The following CACNB2 variants were observed in gnomAD, a reference collection of about 807,000 sequenced individuals.
CACNB2 encodes voltage-dependent L-type calcium channel subunit beta-2.
CACNB2 carries 42 observed loss-of-function variants against 73.3 expected under a neutral mutation model. That is an observed-to-expected ratio of 0.57 (90% CI 0.45 to 0.74). The LOEUF is 0.74. CACNB2 is among the 30% of genes least tolerant of loss of function. CACNB2 has a pLI of 0.00. For missense variants in CACNB2, 940 were observed against 853.0 expected (o/e 1.10, Z -1.27); for synonymous variants, 348 against 310.3 (o/e 1.12, Z -1.28).
At chr10:18,502,197 C>T (rs185765246) in intron 5 of CACNB2, among the ~76,000 whole-genome samples, 22 of 152,104 alleles carry the variant, frequency 1.4e-4, no homozygotes, top group African/African-American at 5.3e-4. Flanking sequence ...ATCCTAGCTA[C>T]TCGGGAGGCT....
At chr10:18,258,926 A>C (rs892193262) in intron 2 of CACNB2, among the ~76,000 whole-genome samples, 1 of 151,960 alleles carries the variant, frequency 6.6e-6, no homozygotes, top group African/African-American at 2.4e-5. Context: ...TTCAAGAGCC[A>C]ATTTACAGTG....
At chr10:18,454,707 C>CT (rs1467013622) in intron 3 of CACNB2, among the ~76,000 whole-genome samples, 3 of 152,196 alleles carry the variant, frequency 2.0e-5, no homozygotes, top group African/African-American at 7.2e-5. Flanking sequence ...GCACAATTTT[C>CT]TTTCCAATGG....
chr10:18,505,415 C>T (rs1242159335), intron 5 of CACNB2, among the ~76,000 whole-genome samples: 1 of 152,114 alleles, frequency 6.6e-6, no homozygotes, highest in African/African-American at 2.4e-5. Flanking sequence ...AAAAGATATA[C>T]AGCCCTCCTG....
intron 2 of CACNB2, among the ~76,000 whole-genome samples, chr10:18,192,528 A>G (rs1469568171): frequency 1.3e-5 from 2 of 152,030 alleles, no homozygotes; most frequent in African/African-American, 4.8e-5. Flanking sequence ...AAAGTGGACA[A>G]TTCAGTGGCA....
intron 3 of CACNB2, among the ~76,000 whole-genome samples, chr10:18,416,531 C>T (rs189975867): frequency 6.6e-6 from 1 of 152,338 alleles, no homozygotes; most frequent in Admixed American, 6.5e-5. Context: ...ATTCTCCTGC[C>T]TCAGCCTCCT....
At chr10:18,206,493 C>T (rs544854142) in intron 2 of CACNB2, 1 of 152,530 alleles carries the variant, frequency 6.6e-6, no homozygotes, top group Non-Finnish European at 1.5e-5. Flanking sequence ...TGTGCAGTCA[C>T]TTCTTTCTCT....
At chr10:18,287,026 T>A (rs1217273049) in intron 2 of CACNB2, among the ~76,000 whole-genome samples, 1 of 152,154 alleles carries the variant, frequency 6.6e-6, no homozygotes, top group East Asian at 1.9e-4. Flanking sequence ...AATATAGGCA[T>A]ACTTTAAAAA....
intron 2 of CACNB2, among the ~76,000 whole-genome samples, chr10:18,308,766 G>A (rs754140934): frequency 6.6e-6 from 1 of 152,170 alleles, no homozygotes; most frequent in Non-Finnish European, 1.5e-5. Context: ...AAGGCATACG[G>A]TATGCCTGAC....
chr10:18,285,351 C>T (rs1423550967), intron 2 of CACNB2, among the ~76,000 whole-genome samples: 1 of 152,170 alleles, frequency 6.6e-6, no homozygotes, highest in Non-Finnish European at 1.5e-5. Flanking sequence ...TCTCTTGGAA[C>T]CCAGAAAACA....
At chr10:18,174,698 C>G (rs1217211362) in intron 2 of CACNB2, among the ~76,000 whole-genome samples, 1 of 152,050 alleles carries the variant, frequency 6.6e-6, no homozygotes, top group Non-Finnish European at 1.5e-5. Flanking sequence ...GCCACCATGC[C>G]GGGCCAAGAC....
chr10:18,268,474 T>C (rs925777662), intron 2 of CACNB2, among the ~76,000 whole-genome samples: 1 of 152,212 alleles, frequency 6.6e-6, no homozygotes, highest in Admixed American at 6.5e-5. Flanking sequence ...TAGACTTACG[T>C]AGAAGGAGGT....
intron 2 of CACNB2, among the ~76,000 whole-genome samples, chr10:18,162,111 C>T (rs1456123821): frequency 6.6e-6 from 1 of 152,086 alleles, no homozygotes; most frequent in Non-Finnish European, 1.5e-5. Flanking sequence ...CTATATTTTA[C>T]AATGTAATTA....
Position 18,539,740 on chromosome 10 carries a change from G to GTT in CACNB2, c.*34_*35dup, listed in dbSNP as rs34022725. ...CCGCCAATGAGTTTTGCCCGTTTGT[G>GTT]TTTTTTTTTTTTTTTTTTTGAAGTC... On this transcript the variant is annotated 3_prime_UTR_variant, in exon 14 of 14. Coordinates refer to ENST00000324631, the MANE Select transcript of CACNB2 (RefSeq NM_201596.3). The GTT allele has an allele frequency of 2.1e-3, 3,060 of 1,444,822 alleles. 17 individuals are homozygous for GTT. The African/African-American group carries it at 0.025, about 12-fold the overall frequency. 89.5% of individuals were successfully genotyped at this position (1,444,822 alleles called of 1,614,324 possible). A position where few individuals can be genotyped will look rare whatever the true frequency, so the allele number is the denominator to read the frequency against.
chr10:18,400,386 GAC>G (rs1475276967), intron 2 of CACNB2, among the ~76,000 whole-genome samples: 2 of 152,198 alleles, frequency 1.3e-5, no homozygotes, highest in African/African-American at 4.8e-5. Flanking sequence ...AACAGAAACA[GAC>G]ACACATACCA....
Position 18,151,091 on chromosome 10 carries a change from T to C in CACNB2, c.213+116T>C, listed in dbSNP as rs369822397. 1.2e-4 allele frequency: 95 copies of C among 765,552 alleles called. 1 individual carries two copies. The highest frequency in any genetic ancestry group is 7.4e-4 in the South Asian group (50 of 67,580). 47.4% of individuals were successfully genotyped at this position (765,552 alleles called of 1,614,324 possible). ...GTAGTATGATTGTACTTACTTTTAATTGAAGTGAAGACGGTGCTGTTTAAT... is the reference window on the plus strand; with the variant it reads ...GTAGTATGATTGTACTTACTTTTAACTGAAGTGAAGACGGTGCTGTTTAAT... On this transcript the variant is annotated intron_variant, in intron 2 of 13. Coordinates refer to ENST00000324631, the MANE Select transcript of CACNB2 (RefSeq NM_201596.3).
intron 3 of CACNB2, among the ~76,000 whole-genome samples, chr10:18,497,208 TAAAA>T (rs11421435): frequency 1.7e-5 from 2 of 118,958 alleles, no homozygotes; most frequent in African/African-American, 3.1e-5. Context: ...TAAGACTCTG[TAAAA>T]AAAAAAAAAA....
At chr10:18,533,961 C>T in intron 10 of CACNB2, 115 bp from the exon 11 acceptor site, 1 of 903,890 alleles carries the variant, frequency 1.1e-6, no homozygotes, top group Non-Finnish European at 1.8e-6. Flanking sequence ...ATTCTATTGC[C>T]TGTAAGCATT....
rs541836947 is a variant in CACNB2, at chr10:18,244,768, A to G, written c.213+93793A>G. Among the ~76,000 whole-genome samples the G allele has an allele frequency of 8.1e-4, 123 of 152,340 alleles. 4 individuals carry two copies. In the Middle Eastern group the frequency reaches 0.017, roughly 21 times the overall value. ...ATGTTCCAATCTATGGAACCTATGA[A>G]TATGTTACCTTATGTGGCAAATAAA... On this transcript the variant is annotated intron_variant, in intron 2 of 13. Transcript: ENST00000324631.
chr10:18,299,348 C>T (rs1224966191), intron 2 of CACNB2, among the ~76,000 whole-genome samples: 2 of 152,046 alleles, frequency 1.3e-5, no homozygotes, highest in Non-Finnish European at 2.9e-5. Flanking sequence ...AGAAGTAGGG[C>T]CTGGGAAAGT....
Sources: gnomAD v4.1 joint callset for allele counts (sites outside exome capture counted in the v4.1 genomes callset) on GRCh38, gnomAD v4.1.1 for gene constraint, MANE v1.5 for transcripts, NCBI Gene and HGNC (gene_info 2026-07-23, HGNC 2026-07-21) for gene names.